Variants in METTL16 observed in about 807,000 individuals in gnomAD.
The protein encoded by METTL16 is RNA N(6)-adenosine-methyltransferase METTL16.
A neutral mutation model predicts 57.9 loss-of-function variants in METTL16; 19 were observed. That is an observed-to-expected ratio of 0.33 (90% CI 0.23 to 0.48). The LOEUF (loss-of-function observed/expected upper bound fraction) is 0.48. METTL16 is among the 20% of genes least tolerant of loss of function. The pLI is 0.99. For missense variants in METTL16, 434 were observed against 691.5 expected, an observed-to-expected ratio of 0.63 and a Z score of 4.18; for synonymous variants, 246 against 255.6, an observed-to-expected ratio of 0.96 and a Z score of 0.36.
chr17:2,447,859 C>A (rs2067020651), intron 6 of METTL16, among the ~76,000 whole-genome samples: 2 of 85,580 alleles, frequency 2.3e-5, no homozygotes. Flanking sequence ...GGTGGGGGGT[C>A]AGCCCTCCAC....
chr17:2,486,933 G>T (rs1016878946), intron 2 of METTL16, among the ~76,000 whole-genome samples: 1 of 150,276 alleles, frequency 6.7e-6, no homozygotes, highest in Non-Finnish European at 1.5e-5. Flanking sequence ...GAGCCTGGGA[G>T]GTGGAGGCTG....
intron 2 of METTL16, among the ~76,000 whole-genome samples, chr17:2,494,310 C>G (rs111698316): frequency 0.014 from 2,079 of 152,306 alleles, 55 homozygotes; most frequent in African/African-American, 0.047. Context: ...GCGTGAGCCA[C>G]TGTGCCCAGT....
intron 6 of METTL16, among the ~76,000 whole-genome samples, chr17:2,448,745 A>T (rs2067037541): frequency 8.3e-6 from 1 of 120,612 alleles, no homozygotes; most frequent in Non-Finnish European, 1.6e-5. Flanking sequence ...ATCAATAAAA[A>T]AAAAAATAAA....
intron 6 of METTL16, among the ~76,000 whole-genome samples, chr17:2,451,978 T>C (rs1597450892): frequency 1.3e-5 from 2 of 151,636 alleles, no homozygotes; most frequent in East Asian, 3.9e-4. Flanking sequence ...AGACCCCATC[T>C]CTACAAAAAA....
At chr17:2,484,786 G>A (rs1567901639) in intron 2 of METTL16, among the ~76,000 whole-genome samples, 2 of 152,098 alleles carry the variant, frequency 1.3e-5, no homozygotes, top group East Asian at 1.9e-4. Context: ...GAGCCACCGC[G>A]CCTGGTGACC....
intron 2 of METTL16, among the ~76,000 whole-genome samples, chr17:2,482,435 T>C (rs1334501258): frequency 2.0e-5 from 3 of 152,124 alleles, no homozygotes; most frequent in African/African-American, 7.2e-5. Flanking sequence ...AAAACACCTG[T>C]GAACCGTGGC....
rs528961178 is a variant in METTL16 at position 2,434,687 on chromosome 17, A to T, written c.888+3422T>A. On this transcript the variant is annotated intron_variant, in intron 8 of 9. Transcript: ENST00000263092. ...GCTATGTGGACAAGACTGAAAACCT[A>T]AGGAGAAGGGAGCTGGGCACTGTCA... Among the ~76,000 whole-genome samples the T allele has an allele frequency of 1.4e-3, 209 of 152,290 alleles. 1 individual carries two copies. Among genetic ancestry groups the T allele is most frequent in the Non-Finnish European group, 1.9e-3 (131 of 68,026 alleles).
At chr17:2,425,817 G>T (rs917740477) in intron 8 of METTL16, among the ~76,000 whole-genome samples, 6 of 152,036 alleles carry the variant, frequency 3.9e-5, no homozygotes, top group African/African-American at 1.4e-4. Context: ...CTTCTGAGTA[G>T]CAGGGACTAT....
chr17:2,447,256 G>A (rs1436917764), intron 6 of METTL16, among the ~76,000 whole-genome samples: 5 of 148,142 alleles, frequency 3.4e-5, no homozygotes, highest in East Asian at 2.0e-4. Flanking sequence ...TGTGAGGAGC[G>A]CCTCTGCTGG....
At chr17:2,502,985 T>C (rs1195102332) in intron 1 of METTL16, among the ~76,000 whole-genome samples, 2 of 152,192 alleles carry the variant, frequency 1.3e-5, no homozygotes, top group African/African-American at 2.4e-5. Context: ...GGAGTTCTCA[T>C]GCATTGCTGT....
chr17:2,437,775 C>T (rs1437217335), intron 8 of METTL16, among the ~76,000 whole-genome samples: 1 of 152,214 alleles, frequency 6.6e-6, no homozygotes, highest in Non-Finnish European at 1.5e-5. Flanking sequence ...GTCTCAAACT[C>T]CTGGCCTCAA....
In METTL16 at chr17:2,473,640, G is replaced by A. The variant is rs1247382875; in HGVS notation, c.353C>T (p.Pro118Leu). 6.2e-7 allele frequency: 1 copy of A among 1,614,010 alleles called. No individual in the cohort carries two copies. Among genetic ancestry groups the A allele is most frequent in the Admixed American group, 1.7e-5 (1 of 59,946 alleles). The part of the protein sequence containing the change: ...DIGTGASCIY[P>L]LLGATLNGWY... ...GCCATTCAAGGTTGCTCCAAGTAAG[G>A]GGTAGATGCAAGATGCCCCCGTGCC... Residue 118 changes from proline to leucine, a missense_variant, in exon 4 of 10, where the codon CCC becomes CTC. Pro to Leu is a moderately conservative substitution (Grantham distance 98). Around this residue, in one of 5 missense-constraint regions of METTL16, gnomAD observed 118 missense variants for 280.0 expected, o/e 0.42. Coordinates refer to ENST00000263092, the MANE Select transcript of METTL16 (RefSeq NM_024086.4).
chr17:2,486,357 C>T lies in METTL16; in HGVS notation c.129-8472G>A, dbSNP rs183434351. ...CGAGATCTCGGCTCATTGCAACTTA[C>T]GCCTCCCGGGTTCAAGCAATTCTCC... On this transcript the variant is annotated intron_variant, in intron 2 of 9. Coordinates refer to ENST00000263092, the MANE Select transcript of METTL16 (RefSeq NM_024086.4). Among the ~76,000 whole-genome samples, 31 of 151,640 alleles carry T rather than the reference C, an allele frequency of 2.0e-4. 1 individual carries two copies. Among genetic ancestry groups the T allele is most frequent in the Admixed American group, 2.0e-3 (31 of 15,214 alleles).
Position 2,485,790 on chromosome 17 carries a change from G to A in METTL16, c.129-7905C>T, listed in dbSNP as rs80064166. 7.1e-3 allele frequency among the ~76,000 whole-genome samples: 1,077 copies of A among 152,202 alleles called. 11 individuals carry two copies. The highest frequency in any genetic ancestry group is 0.024 in the African/African-American group (1,008 of 41,522). On this transcript the variant is annotated intron_variant, in intron 2 of 9. Transcript: ENST00000263092. ...CCCTTTCTGAAGCGGACGGTCTGGC[G>A]GAGGATAGGTATTATCCAGAAATCA...
intron 7 of METTL16, among the ~76,000 whole-genome samples, chr17:2,440,306 T>C (rs1173034492): frequency 6.6e-6 from 1 of 151,884 alleles, no homozygotes; most frequent in Non-Finnish European, 1.5e-5. Flanking sequence ...TGGAGTGCAG[T>C]GGCACGATCT....
chr17:2,500,212 G>A (rs549249770), intron 2 of METTL16, among the ~76,000 whole-genome samples: 1 of 152,256 alleles, frequency 6.6e-6, no homozygotes, highest in East Asian at 1.9e-4. Flanking sequence ...TATAAGAAGA[G>A]GGCTTAGAGT....
chr17:2,499,135 G>A (rs921768898), intron 2 of METTL16, among the ~76,000 whole-genome samples: 1 of 151,428 alleles, frequency 6.6e-6, no homozygotes, highest in Non-Finnish European at 1.5e-5. Context: ...ATACTAAAAG[G>A]TTAACGGCTT....
intron 8 of METTL16, among the ~76,000 whole-genome samples, chr17:2,426,728 C>CAAAAAAAAAA (rs778818177): frequency 2.6e-4 from 9 of 35,126 alleles, no homozygotes; most frequent in Non-Finnish European, 4.8e-4. Flanking sequence ...GACTCCGTCT[C>CAAAAAAAAAA]AAAAAAAAAA....
intron 2 of METTL16, among the ~76,000 whole-genome samples, chr17:2,479,909 G>A (rs922183747): frequency 4.6e-5 from 7 of 152,068 alleles, no homozygotes; most frequent in Non-Finnish European, 1.5e-5. Flanking sequence ...AGGACTGGCC[G>A]GGCACGGTGG....
Sources: gnomAD v4.1 joint callset for allele counts (sites outside exome capture counted in the v4.1 genomes callset) on GRCh38, gnomAD v4.1.1 for gene constraint, gnomAD v4.1.1 regional missense constraint, MANE v1.5 for transcripts, NCBI Gene and HGNC (gene_info 2026-07-23, HGNC 2026-07-21) for gene names.